DRD2: variants seen among roughly 807,000 people sequenced by gnomAD.
DRD2 encodes the protein dopamine receptor D2.
A neutral mutation model predicts 38.0 loss-of-function variants in DRD2; 8 were observed. The ratio of observed to expected loss-of-function variants is 0.21; its 90% CI spans 0.12 to 0.38. The LOEUF (loss-of-function observed/expected upper bound fraction) is 0.38. Among genes scored for constraint, DRD2 ranks in the 10% least tolerant of loss-of-function variants. The pLI is 1.00. For missense variants in DRD2, 403 were observed against 607.7 expected (o/e 0.66, Z 3.54); for synonymous variants, 230 against 238.6 (o/e 0.96, Z 0.33).
chr11:113,470,019 T>C (rs184366564), intron 1 of DRD2, among the ~76,000 whole-genome samples: 19 of 152,274 alleles, frequency 1.2e-4, no homozygotes, highest in Admixed American at 1.1e-3. Context: ...GTTATGATGA[T>C]GAGGCCAGCA....
At chr11:113,431,013 A>G (rs1950981327) in intron 1 of DRD2, among the ~76,000 whole-genome samples, 1 of 152,186 alleles carries the variant, frequency 6.6e-6, no homozygotes, top group Admixed American at 6.5e-5. Flanking sequence ...AAGCATTTTG[A>G]TTTTTGATTG....
chr11:113,425,959 G>A (rs538854879), intron 1 of DRD2, among the ~76,000 whole-genome samples: 26 of 152,122 alleles, frequency 1.7e-4, no homozygotes, highest in Non-Finnish European at 2.6e-4. Flanking sequence ...CAGCTGGAGA[G>A]TCCCTGAGAG....
intron 1 of DRD2, among the ~76,000 whole-genome samples, chr11:113,425,568 T>C (rs537342169): frequency 2.0e-5 from 3 of 152,228 alleles, no homozygotes; most frequent in African/African-American, 7.2e-5. Flanking sequence ...GCCTTTCGAA[T>C]AGGTGATTCT....
intron 1 of DRD2, among the ~76,000 whole-genome samples, chr11:113,464,889 C>T (rs140112923): frequency 6.6e-6 from 1 of 152,312 alleles, no homozygotes; most frequent in Non-Finnish European, 1.5e-5. Flanking sequence ...CTTAAATCAT[C>T]CTTGGCTTCT....
At chr11:113,412,125 A>C (rs1281615858) in intron 7 of DRD2, 1 of 229,522 alleles carries the variant, frequency 4.4e-6, no homozygotes, top group Non-Finnish European at 8.7e-6. Context: ...ACACTTACAT[A>C]TGGATAGTGC....
chr11:113,470,481 C>CT (rs1047905971), intron 1 of DRD2, among the ~76,000 whole-genome samples: 7 of 152,214 alleles, frequency 4.6e-5, no homozygotes, highest in African/African-American at 1.7e-4. Flanking sequence ...CGCCCTCTGT[C>CT]TGGAAGCAAG....
chr11:113,424,277 T>C (rs931127930), intron 2 of DRD2, 90 bp downstream of exon 2: 3 of 1,448,850 alleles, frequency 2.1e-6, no homozygotes, highest in South Asian at 1.2e-5. Flanking sequence ...GGAAACTCAT[T>C]GGTAAAAGCC....
intron 1 of DRD2, among the ~76,000 whole-genome samples, chr11:113,436,897 G>T (rs969572892): frequency 1.3e-4 from 20 of 152,134 alleles, no homozygotes; most frequent in African/African-American, 4.8e-4. Flanking sequence ...CAGTCTGGCT[G>T]CCAGACTCTC....
chr11:113,422,850 CCT>C (rs1281514355), intron 2 of DRD2, among the ~76,000 whole-genome samples: 1 of 152,186 alleles, frequency 6.6e-6, no homozygotes, highest in Non-Finnish European at 1.5e-5. Flanking sequence ...AGATTTCTCC[CCT>C]GTTTAAACCT....
chr11:113,460,849 G>C (rs2119959533), intron 1 of DRD2, among the ~76,000 whole-genome samples: 1 of 152,364 alleles, frequency 6.6e-6, no homozygotes, highest in East Asian at 1.9e-4. Flanking sequence ...GGTAGTGAAG[G>C]CCCAATGCCA....
intron 1 of DRD2, among the ~76,000 whole-genome samples, chr11:113,442,377 A>G (rs1951103243): frequency 6.6e-6 from 1 of 152,188 alleles, no homozygotes; most frequent in Non-Finnish European, 1.5e-5. Flanking sequence ...CTGAGTTGCT[A>G]TTATGTTGCT....
chr11:113,417,914 A>ACAGC, intron 3 of DRD2, 113 bp downstream of exon 3: 2 of 846,656 alleles, frequency 2.4e-6, no homozygotes, highest in Non-Finnish European at 3.9e-6. Flanking sequence ...CCCCATGCAC[A>ACAGC]CAGCCAGCTG....
chr11:113,418,098 G>A lies in DRD2; in HGVS notation c.324C>T (p.Asp108=). The part of the protein sequence containing the change: ...GEWKFSRIHC[D]IFVTLDVMMC... ...TCATGACGTCCAGAGTGACGAAGAT[G>A]TCACAGTGAATCCTGCTGAATTTCC... Residue 108 remains aspartate (D), a synonymous_variant, in exon 3 of 8, where the codon GAC becomes GAT. Transcript: ENST00000362072. 1 of 1,614,226 alleles carries A rather than the reference G, an allele frequency of 6.2e-7. No individual in the cohort carries two copies. The highest frequency in any genetic ancestry group is 8.5e-7 in the Non-Finnish European group (1 of 1,180,046).
intron 1 of DRD2, among the ~76,000 whole-genome samples, chr11:113,442,801 A>G (rs1951106651): frequency 6.6e-6 from 1 of 152,186 alleles, no homozygotes; most frequent in African/African-American, 2.4e-5. Flanking sequence ...TCTTCCTGGC[A>G]TGAGGCAAAT....
intron 1 of DRD2, among the ~76,000 whole-genome samples, chr11:113,444,042 G>T (rs759566109): frequency 6.6e-6 from 1 of 152,122 alleles, no homozygotes; most frequent in Admixed American, 6.6e-5. Flanking sequence ...TGTTGTTGTT[G>T]TTTGTGTTTT....
At position 113,414,447 on chromosome 11, in the gene DRD2, G is replaced by T; in HGVS notation, c.738C>A (p.His246Gln). The change falls in exon 6 of 8, where the codon CAC (histidine) becomes CAA (glutamine). Residue 246 changes from histidine to glutamine, a missense_variant. Coordinates refer to ENST00000362072, the MANE Select transcript of DRD2 (RefSeq NM_000795.4). ...LRAPLKGNCT[H>Q]PEDMKLCTVI... Reference sequence around the variant, plus strand: ...CGGTGCAGAGTTTCATGTCCTCGGGGTGAGTACAGTTGCCCTGTGGAGTGA... The same window carrying T: ...CGGTGCAGAGTTTCATGTCCTCGGGTTGAGTACAGTTGCCCTGTGGAGTGA... 6.2e-7 allele frequency: 1 copy of T among 1,614,176 alleles called. No homozygotes were observed. The highest frequency in any genetic ancestry group is 1.7e-5 in the Admixed American group (1 of 60,026).
At chr11:113,453,992 C>T (rs1951242008) in intron 1 of DRD2, among the ~76,000 whole-genome samples, 1 of 152,108 alleles carries the variant, frequency 6.6e-6, no homozygotes. Context: ...AACAGAGAAC[C>T]TGGCACATCC....
At chr11:113,425,944 C>A (rs1170081715) in intron 1 of DRD2, among the ~76,000 whole-genome samples, 1 of 152,082 alleles carries the variant, frequency 6.6e-6, no homozygotes, top group African/African-American at 2.4e-5. Context: ...CAGATTGTGT[C>A]TTGTCAGCTG....
intron 1 of DRD2, among the ~76,000 whole-genome samples, chr11:113,427,766 C>T (rs752846044): frequency 9.2e-5 from 14 of 152,126 alleles, no homozygotes; most frequent in Non-Finnish European, 1.9e-4. Context: ...CTGCACTATG[C>T]TCTTCCCCCA....
Sources: gnomAD v4.1 joint callset for allele counts (sites outside exome capture counted in the v4.1 genomes callset) on GRCh38, gnomAD v4.1.1 for gene constraint, MANE v1.5 for transcripts, NCBI Gene and HGNC (gene_info 2026-07-23, HGNC 2026-07-21) for gene names.